The following ANO2 variants were observed in gnomAD, a reference collection of about 807,000 sequenced individuals.
ANO2 encodes the protein anoctamin-2.
Under a neutral mutation model 124.2 loss-of-function variants are expected in ANO2, and 101 were observed. That is an observed-to-expected ratio of 0.81 (90% CI 0.69 to 0.96). The LOEUF (loss-of-function observed/expected upper bound fraction) is 0.96. Ranked by LOEUF, ANO2 falls within the 40% of genes least tolerant of loss-of-function variation. The pLI, the probability that ANO2 is intolerant of heterozygous loss-of-function variation, is 0.00. For missense variants in ANO2, 1,293 were observed against 1,274.5 expected (o/e 1.01, Z -0.22); for synonymous variants, 486 against 482.5 (o/e 1.01, Z -0.09).
intron 7 of ANO2, among the ~76,000 whole-genome samples, chr12:5,826,825 T>C (rs1953972241): frequency 1.3e-5 from 2 of 152,250 alleles, no homozygotes; most frequent in East Asian, 1.9e-4. Flanking sequence ...ATCATTATCA[T>C]TGTTATTCCT....
At chr12:5,879,616 C>T (rs137979827) in intron 3 of ANO2, among the ~76,000 whole-genome samples, 20 of 152,158 alleles carry the variant, frequency 1.3e-4, no homozygotes, top group Middle Eastern at 3.4e-3. Context: ...CCTAAGGGGT[C>T]AAAGAAGACT....
Position 5,578,459 on chromosome 12 carries a change from C to T in ANO2, c.2293G>A (p.Ala765Thr), listed in dbSNP as rs751003159. 2.1e-5 allele frequency: 34 copies of T among 1,613,834 alleles called. No individual in the cohort carries two copies. The highest frequency in any genetic ancestry group is 2.7e-5 in the African/African-American group (2 of 74,926). ...VASFPLAPVF[A>T]LLNNVIEVRL... ...ACTTCAATGACGTTGTTGAGGAGGG[C>T]AAACACAGGTGCCAGGGGAAAGGAG... The change falls in exon 21 of 25, where the codon GCC becomes ACC. Residue 765 changes from alanine (A) to threonine (T), a missense_variant. By Grantham distance (58) the Ala-to-Thr change is moderately conservative. Transcript: ENST00000682330.
intron 14 of ANO2, among the ~76,000 whole-genome samples, chr12:5,712,246 G>A (rs979189164): frequency 2.0e-5 from 3 of 151,900 alleles, no homozygotes; most frequent in Non-Finnish European, 2.9e-5. Flanking sequence ...TGATAGGCCC[G>A]GGTTCTAACC....
intron 10 of ANO2, among the ~76,000 whole-genome samples, chr12:5,766,116 G>A (rs1258513143): frequency 1.3e-5 from 2 of 152,194 alleles, no homozygotes; most frequent in African/African-American, 2.4e-5. Flanking sequence ...GCTATAAACA[G>A]GTACAGGTAT....
At chr12:5,775,530 T>C (rs1356306315) in intron 10 of ANO2, among the ~76,000 whole-genome samples, 1 of 151,364 alleles carries the variant, frequency 6.6e-6, no homozygotes, top group Non-Finnish European at 1.5e-5. Context: ...GGCGCGATCT[T>C]GGCTCACTGC....
intron 14 of ANO2, among the ~76,000 whole-genome samples, chr12:5,716,179 AC>A (rs1404149749): frequency 6.6e-6 from 1 of 152,162 alleles, no homozygotes; most frequent in Non-Finnish European, 1.5e-5. Flanking sequence ...TTATTTTTAT[AC>A]TCCAAAAAAT....
intron 3 of ANO2, among the ~76,000 whole-genome samples, chr12:5,857,201 G>A (rs777534654): frequency 1.3e-5 from 2 of 152,126 alleles, no homozygotes; most frequent in African/African-American, 2.4e-5. Flanking sequence ...AGGCCACTCC[G>A]ACATCCATTC....
At chr12:5,708,704 A>G (rs1949706170) in intron 14 of ANO2, among the ~76,000 whole-genome samples, 1 of 152,210 alleles carries the variant, frequency 6.6e-6, no homozygotes, top group Non-Finnish European at 1.5e-5. Flanking sequence ...CCCATGTTAT[A>G]AAGATTAAAA....
At chr12:5,584,139 C>A (rs867721964) in intron 20 of ANO2, 68 of 161,970 alleles carry the variant, frequency 4.2e-4, no homozygotes, top group Admixed American at 3.6e-3. Context: ...ACACCCCCCC[C>A]CCGCCGCAAG....
At chr12:5,727,121 G>A (rs1260792277) in intron 14 of ANO2, among the ~76,000 whole-genome samples, 2 of 152,142 alleles carry the variant, frequency 1.3e-5, no homozygotes, top group African/African-American at 4.8e-5. Context: ...GTAATCCTCG[G>A]TGCTGGAGGT....
At chr12:5,897,586 T>G (rs1939882731) in intron 3 of ANO2, among the ~76,000 whole-genome samples, 1 of 152,112 alleles carries the variant, frequency 6.6e-6, no homozygotes, top group Non-Finnish European at 1.5e-5. Flanking sequence ...CAGAAGCAGA[T>G]CCCATACAAA....
chr12:5,764,744 C>G (rs1225007251), intron 10 of ANO2, among the ~76,000 whole-genome samples: 3 of 144,642 alleles, frequency 2.1e-5, no homozygotes, highest in South Asian at 2.5e-4. Flanking sequence ...TGAAGCTGTA[C>G]CACCACAGCA....
At chr12:5,689,342 T>C (rs1335479396) in intron 14 of ANO2, among the ~76,000 whole-genome samples, 13 of 152,294 alleles carry the variant, frequency 8.5e-5, no homozygotes, top group African/African-American at 3.1e-4. Flanking sequence ...GAGATCATTT[T>C]AGAGTAAAAG....
intron 10 of ANO2, among the ~76,000 whole-genome samples, chr12:5,761,276 T>C (rs532483776): frequency 1.9e-3 from 290 of 152,216 alleles, no homozygotes; most frequent in African/African-American, 6.8e-3. Flanking sequence ...TACACCCATA[T>C]GAGACTAAAA....
intron 16 of ANO2, among the ~76,000 whole-genome samples, chr12:5,622,364 C>T (rs924371081): frequency 2.0e-5 from 3 of 152,150 alleles, no homozygotes; most frequent in African/African-American, 4.8e-5. Flanking sequence ...TTCTAAAAAA[C>T]AGCCTGTGCC....
chr12:5,745,347 G>T (rs1234643695), intron 11 of ANO2, among the ~76,000 whole-genome samples: 1 of 152,202 alleles, frequency 6.6e-6, no homozygotes, highest in Non-Finnish European at 1.5e-5. Flanking sequence ...AAGATTTCAC[G>T]AAAGCAAAGC....
At chr12:5,844,425 C>A (rs1389218410) in intron 4 of ANO2, among the ~76,000 whole-genome samples, 3 of 152,224 alleles carry the variant, frequency 2.0e-5, no homozygotes, top group African/African-American at 7.2e-5. Flanking sequence ...ACGTACGACA[C>A]TTTTACTCTT....
chr12:5,583,116 T>C (rs1942847446), intron 20 of ANO2, among the ~76,000 whole-genome samples: 1 of 152,206 alleles, frequency 6.6e-6, no homozygotes, highest in Non-Finnish European at 1.5e-5. Flanking sequence ...ATCTGTTTCA[T>C]AAATCTGACC....
chr12:5,717,295 A>ATT (rs1950058469), intron 14 of ANO2, among the ~76,000 whole-genome samples: 1 of 152,172 alleles, frequency 6.6e-6, no homozygotes, highest in Non-Finnish European at 1.5e-5. Flanking sequence ...GTCAGAGAAA[A>ATT]TGGAATGCCC....
Sources: gnomAD v4.1 joint callset for allele counts (sites outside exome capture counted in the v4.1 genomes callset) on GRCh38, gnomAD v4.1.1 for gene constraint, MANE v1.5 for transcripts, NCBI Gene and HGNC (gene_info 2026-07-23, HGNC 2026-07-21) for gene names.